The following SGTB variants were observed in gnomAD, a reference collection of about 807,000 sequenced individuals.
SGTB encodes the protein small glutamine rich tetratricopeptide repeat co-chaperone beta.
In SGTB, 19 loss-of-function variants were observed where a neutral mutation model predicts 43.9. The observed-to-expected ratio is 0.43, with a 90% CI of 0.30 to 0.63. SGTB has a LOEUF of 0.63. Among genes scored for constraint, SGTB ranks in the 30% least tolerant of loss-of-function variants. The probability of loss-of-function intolerance (pLI) is 0.12; values close to 1 mark genes in which losing one functional copy is unlikely to be tolerated. For missense variants in SGTB, 304 were observed against 358.9 expected, an observed-to-expected ratio of 0.85 and a Z score of 1.24; for synonymous variants, 116 against 117.3, an observed-to-expected ratio of 0.99 and a Z score of 0.07.
At chr5:65,685,591 T>C in intron 5 of SGTB, 119 bp from the exon 6 acceptor site, 1 of 714,852 alleles carries the variant, frequency 1.4e-6, no homozygotes, top group East Asian at 2.7e-5. Flanking sequence ...CCCACTAAAT[T>C]TCTAAGTCAA....
Position 65,713,013 on chromosome 5 carries a change from T to C in SGTB, c.152A>G (p.His51Arg), listed in dbSNP as rs1223219215. ...TGTCAAAGGCTGTGAAACTGCTAGG[T>C]GTGTATCTTCTGGGCTGATCTTAAA... is the stretch of plus-strand genomic sequence containing the variant. ...TVFKISPEDT[H>R]LAVSQPLTEM... is the part of the protein sequence containing the mutation. Residue 51 changes from histidine to arginine, a missense_variant, in exon 3 of 11, where the codon CAC (histidine) becomes CGC (arginine). Coordinates refer to ENST00000381007, the MANE Select transcript of SGTB (RefSeq NM_019072.3). 1 of 1,613,742 alleles carries C rather than the reference T, an allele frequency of 6.2e-7. No homozygotes were observed. Among genetic ancestry groups the C allele is most frequent in the African/African-American group, 1.3e-5 (1 of 74,932 alleles).
At chr5:65,718,145 G>C (rs1020546087) in intron 2 of SGTB, among the ~76,000 whole-genome samples, 2 of 152,116 alleles carry the variant, frequency 1.3e-5, no homozygotes, top group African/African-American at 4.8e-5. Context: ...TGCAATTCTG[G>C]TAATGATTAA....
Position 65,666,900 on chromosome 5 carries a change from TTGTC to T in SGTB, c.*3342_*3345del, listed in dbSNP as rs1488532851. 9 of 152,192 alleles carry T rather than the reference TTGTC, an allele frequency of 5.9e-5. No homozygotes were observed. The South Asian group carries it at 1.0e-3, about 17-fold the overall frequency. The allele number at this position is 152,192 out of a possible 1,614,324, so 9.4% of individuals were successfully genotyped here. A position where few individuals can be genotyped will look rare whatever the true frequency, so the allele number is the denominator to read the frequency against. On this transcript the variant is annotated 3_prime_UTR_variant, in exon 11 of 11. Transcript: ENST00000381007. ...TAAAGTTTTTTTTCTTATAGTATCT[TTGTC>T]TGGGTAATACTGGTCAAATAAAATG...
chr5:65,704,613 T>C (rs546279491), intron 4 of SGTB, among the ~76,000 whole-genome samples: 55 of 152,336 alleles, frequency 3.6e-4, no homozygotes, highest in African/African-American at 1.3e-3. Flanking sequence ...TTTATATACC[T>C]TATAAAATCC....
At chr5:65,704,734 G>C (rs757942044) in intron 4 of SGTB, among the ~76,000 whole-genome samples, 1 of 152,006 alleles carries the variant, frequency 6.6e-6, no homozygotes, top group Non-Finnish European at 1.5e-5. Context: ...GCCCCAGCCC[G>C]TTCCAGATGC....
intron 4 of SGTB, among the ~76,000 whole-genome samples, chr5:65,704,818 G>T (rs1757898269): frequency 6.6e-6 from 1 of 152,182 alleles, no homozygotes; most frequent in Admixed American, 6.5e-5. Context: ...CACATCTGCT[G>T]ATAATCAAGT....
intron 5 of SGTB, among the ~76,000 whole-genome samples, chr5:65,693,201 CGGGAA>C (rs539854837): frequency 2.2e-4 from 30 of 137,834 alleles, no homozygotes; most frequent in South Asian, 1.1e-3. Flanking sequence ...CAGGATGGGA[CGGGAA>C]GGGAAGGGAA....
intron 3 of SGTB, among the ~76,000 whole-genome samples, chr5:65,710,500 A>G (rs1758024643): frequency 6.6e-6 from 1 of 152,242 alleles, no homozygotes; most frequent in Non-Finnish European, 1.5e-5. Context: ...ATATATAAAC[A>G]TAATTGGAGA....
At position 65,675,806 on chromosome 5, in the gene SGTB, A is replaced by G. The variant is rs56994931; in HGVS notation, c.682-3525T>C. Among the ~76,000 whole-genome samples, 3 of 152,348 alleles carry G rather than the reference A, an allele frequency of 2.0e-5. No individual in the cohort carries two copies. In the East Asian group the frequency reaches 5.8e-4, roughly 29 times the overall value. The stretch of plus-strand genomic sequence containing the variant: ...CAAGCAAATGCCGAGGGAATTCATT[A>G]CTACCAGACCTGCCTTACAAGAGTT... On this transcript the variant is annotated intron_variant, in intron 8 of 10. Transcript: ENST00000381007.
At position 65,685,427 on chromosome 5, in the gene SGTB, C is replaced by G; in HGVS notation, c.420G>C (p.Lys140Asn). Reference protein sequence around the residue: ...SKLGHYTDAIKDCEKAIAIDS... With the variant: ...SKLGHYTDAINDCEKAIAIDS... ...CAATTGCTATTGCTTTTTCACAATC[C>G]TTTATCGCATCTGTGTAGTGACCTA... is the stretch of plus-strand genomic sequence containing the variant. The change falls in exon 6 of 11, where the codon AAG becomes AAC. Residue 140 changes from lysine to asparagine, a missense_variant. By Grantham distance (94) the Lys-to-Asn change is moderately conservative. Coordinates refer to ENST00000381007, the MANE Select transcript of SGTB (RefSeq NM_019072.3). 1 of 1,614,126 alleles carries G rather than the reference C, an allele frequency of 6.2e-7. No homozygotes were observed. Among genetic ancestry groups the G allele is most frequent in the Middle Eastern group, 1.6e-4 (1 of 6,062 alleles).
intron 10 of SGTB, among the ~76,000 whole-genome samples, chr5:65,671,335 G>C (rs1162027084): frequency 2.0e-5 from 3 of 151,990 alleles, no homozygotes; most frequent in African/African-American, 4.8e-5. Context: ...ACCAATCCTT[G>C]GGACCCTCTG....
intron 8 of SGTB, 102 bp from the exon 9 acceptor site, chr5:65,672,383 C>T (rs1216127645): frequency 1.4e-6 from 2 of 1,393,226 alleles, no homozygotes; most frequent in Non-Finnish European, 2.0e-6. Flanking sequence ...CATGTATGCA[C>T]TAACATTTTG....
chr5:65,676,844 T>C (rs946534693), intron 8 of SGTB, among the ~76,000 whole-genome samples: 2 of 152,100 alleles, frequency 1.3e-5, no homozygotes, highest in South Asian at 4.1e-4. Flanking sequence ...AAGAAATTTA[T>C]AGCACTAAAT....
intron 3 of SGTB, among the ~76,000 whole-genome samples, chr5:65,709,721 T>TA (rs1473997464): frequency 3.3e-5 from 5 of 152,170 alleles, no homozygotes. Context: ...TTCATTGCTT[T>TA]AAAAAAGTTG....
chr5:65,671,882 A>G (rs1350482172), intron 10 of SGTB, 33 bp downstream of exon 10: 1 of 1,588,512 alleles, frequency 6.3e-7, no homozygotes. Flanking sequence ...CATAAAATAC[A>G]TCTTCACTAT....
At chr5:65,708,458 T>C in intron 4 of SGTB, 31 bp downstream of exon 4, 1 of 1,593,848 alleles carries the variant, frequency 6.3e-7, no homozygotes, top group Non-Finnish European at 8.6e-7. Context: ...AAAGCTTTAC[T>C]AAGTAAGTCA....
In SGTB at chr5:65,708,519, C is replaced by T. The variant is rs146316043; in HGVS notation, c.244G>A (p.Val82Met). 3 of 1,613,392 alleles carry T rather than the reference C, an allele frequency of 1.9e-6. No individual in the cohort carries two copies. The highest frequency in any genetic ancestry group is 1.7e-5 in the Admixed American group (1 of 59,866). ...TCTTTTAATTGGTCAGCTTTTCCCA[C>T]ATCTTCAGGCACTGAGTTTGAAAGG... ...LPLSNSVPED[V>M]GKADQLKDEG... Residue 82 changes from valine to methionine, a missense_variant, in exon 4 of 11, where the codon GTG becomes ATG. Physicochemically the swap from Val to Met is conservative, Grantham distance 21. Coordinates refer to ENST00000381007, the MANE Select transcript of SGTB (RefSeq NM_019072.3).
At chr5:65,702,491 A>G (rs1247331047) in intron 5 of SGTB, among the ~76,000 whole-genome samples, 1 of 152,222 alleles carries the variant, frequency 6.6e-6, no homozygotes. Context: ...AATGCAGCCT[A>G]TAGGGTTCAG....
chr5:65,686,665 A>G (rs1757506266), intron 5 of SGTB, among the ~76,000 whole-genome samples: 1 of 151,970 alleles, frequency 6.6e-6, no homozygotes, highest in Admixed American at 6.6e-5. Flanking sequence ...GGCCCCATAT[A>G]TGTTGTTTTA....
Sources: gnomAD v4.1 joint callset for allele counts (sites outside exome capture counted in the v4.1 genomes callset) on GRCh38, gnomAD v4.1.1 for gene constraint, MANE v1.5 for transcripts, NCBI Gene and HGNC (gene_info 2026-07-23, HGNC 2026-07-21) for gene names.